Variants in NNT observed in about 807,000 individuals in gnomAD.
NNT encodes the protein NAD(P) transhydrogenase, mitochondrial.
A neutral mutation model predicts 104.8 loss-of-function variants in NNT; 50 were observed. The ratio of observed to expected loss-of-function variants is 0.48; its 90% confidence interval spans 0.38 to 0.60. The LOEUF is 0.60. Among genes scored for constraint, NNT ranks in the 20% least tolerant of loss-of-function variants. The pLI is 0.00. For missense variants in NNT, 1,131 were observed against 1,330.7 expected (o/e 0.85, Z 2.33); for synonymous variants, 461 against 490.4 (o/e 0.94, Z 0.79).
chr5:43,655,609 T>A (rs1561295043), intron 14 of NNT, among the ~76,000 whole-genome samples: 2 of 152,138 alleles, frequency 1.3e-5, no homozygotes, highest in Non-Finnish European at 2.9e-5. Flanking sequence ...TTAAAAAAAA[T>A]TAAAATCTGA....
In NNT at chr5:43,609,360, T is replaced by G. The variant is rs1385124023; in HGVS notation, c.151+14T>G. 1 of 1,612,230 alleles carries G rather than the reference T, an allele frequency of 6.2e-7. No homozygotes were observed. Among genetic ancestry groups the G allele is most frequent in the Admixed American group, 1.7e-5 (1 of 59,798 alleles). On this transcript the variant is annotated intron_variant, in intron 2 of 21. Coordinates refer to ENST00000344920, the MANE Select transcript of NNT (RefSeq NM_182977.3). ...CTGTAAAACCAGGTAAAGTCTCACT[T>G]CAGTGATTGTAAATGAAACCTTCAA...
At chr5:43,628,430 C>A in intron 7 of NNT, 43 bp downstream of exon 7, 10 of 1,394,572 alleles carry the variant, frequency 7.2e-6, no homozygotes, top group East Asian at 2.5e-5. Context: ...CACTTTTACT[C>A]TTTTTTTTTA....
At chr5:43,662,890 T>C (rs1740446022) in intron 17 of NNT, among the ~76,000 whole-genome samples, 2 of 142,592 alleles carry the variant, frequency 1.4e-5, no homozygotes, top group African/African-American at 5.3e-5. Flanking sequence ...TGAGACCCTG[T>C]CTCAAAAAAA....
chr5:43,701,628 T>C (rs1373916894), intron 20 of NNT, among the ~76,000 whole-genome samples: 2 of 152,200 alleles, frequency 1.3e-5, no homozygotes, highest in African/African-American at 4.8e-5. Flanking sequence ...AAGTAGGAGT[T>C]CTAAGTTCTT....
intron 17 of NNT, among the ~76,000 whole-genome samples, chr5:43,668,986 G>A (rs1740880108): frequency 6.6e-6 from 1 of 152,090 alleles, no homozygotes; most frequent in Non-Finnish European, 1.5e-5. Flanking sequence ...TCCTTGAAGA[G>A]GTCCTTCACA....
chr5:43,647,483 A>T (rs78421890), intron 10 of NNT, among the ~76,000 whole-genome samples: 1 of 152,310 alleles, frequency 6.6e-6, no homozygotes, highest in Non-Finnish European at 1.5e-5. Flanking sequence ...GGATGAACTT[A>T]TATGTGTTTT....
chr5:43,702,504 C>G (rs111304614), intron 20 of NNT, 117 bp from the exon 21 acceptor site: 1 of 642,088 alleles, frequency 1.6e-6, no homozygotes, highest in East Asian at 3.0e-5. Context: ...GGCACAAGTG[C>G]GAATCCTATA....
Position 43,616,007 on chromosome 5 carries a change from C to A in NNT, c.541C>A (p.Pro181Thr). 6.2e-7 allele frequency: 1 copy of A among 1,614,108 alleles called. No homozygotes were observed. Among genetic ancestry groups the A allele is most frequent in the South Asian group, 1.1e-5 (1 of 91,076 alleles). Residue 181 changes from proline (P) to threonine (T), a missense_variant, in exon 4 of 22, where the codon CCA (proline) becomes ACA (threonine). By Grantham distance (38) the Pro-to-Thr change is conservative. Coordinates refer to ENST00000344920, the MANE Select transcript of NNT (RefSeq NM_182977.3). ...KTTVLAMDQVPRVTIAQGYDA... is the reference protein window; with the variant it reads ...KTTVLAMDQVTRVTIAQGYDA... ...TACAGTTCTGGCAATGGACCAGGTT[C>A]CAAGAGTCACAATTGCTCAGGGATA...
intron 17 of NNT, among the ~76,000 whole-genome samples, chr5:43,668,633 G>T (rs911679310): frequency 1.8e-4 from 27 of 152,074 alleles, no homozygotes; most frequent in African/African-American, 6.5e-4. Context: ...TGTTCCATTG[G>T]TCTATATCTC....
intron 17 of NNT, among the ~76,000 whole-genome samples, chr5:43,671,588 C>A (rs1741093925): frequency 6.6e-6 from 1 of 152,190 alleles, no homozygotes. Context: ...AAATTCTTTT[C>A]TTTAAGAATG....
At chr5:43,606,602 A>G (rs908118949) in intron 1 of NNT, among the ~76,000 whole-genome samples, 10 of 152,202 alleles carry the variant, frequency 6.6e-5, no homozygotes, top group Non-Finnish European at 1.5e-4. Flanking sequence ...TGCATGCCAA[A>G]ACACATCTTG....
chr5:43,657,177 A>G (rs1018971764), intron 16 of NNT, among the ~76,000 whole-genome samples: 10 of 152,222 alleles, frequency 6.6e-5, no homozygotes, highest in African/African-American at 2.4e-4. Context: ...GGGTTTATAC[A>G]ATACAAGTAA....
intron 17 of NNT, among the ~76,000 whole-genome samples, chr5:43,659,926 T>C (rs1194216686): frequency 6.6e-6 from 1 of 152,232 alleles, no homozygotes; most frequent in African/African-American, 2.4e-5. Flanking sequence ...TATTTCCTTA[T>C]GTATGGCATA....
intron 7 of NNT, among the ~76,000 whole-genome samples, chr5:43,634,770 A>G (rs759789394): frequency 6.6e-6 from 1 of 152,206 alleles, no homozygotes; most frequent in Non-Finnish European, 1.5e-5. Flanking sequence ...CTTGTCCTCA[A>G]GTGGAAGATG....
chr5:43,667,711 A>G (rs1427030904), intron 17 of NNT, among the ~76,000 whole-genome samples: 2 of 152,342 alleles, frequency 1.3e-5, no homozygotes, highest in East Asian at 3.9e-4. Context: ...TATTGTGAAT[A>G]GTGCCGCAAT....
Position 43,700,136 on chromosome 5 carries a change from T to C in NNT, c.2894T>C (p.Val965Ala), listed in dbSNP as rs774345598. The C allele has an allele frequency of 1.2e-6, 2 of 1,612,488 alleles. No individual in the cohort carries two copies. Among genetic ancestry groups the C allele is most frequent in the East Asian group, 2.2e-5 (1 of 44,736 alleles). The change falls in exon 20 of 22, where the codon GTT (valine) becomes GCT (alanine). Residue 965 changes from valine to alanine, a missense_variant. Physicochemically the swap from Val to Ala is moderately conservative, Grantham distance 64. Transcript: ENST00000344920. ...ATGTCTAGGTTTGGAATTCACCCAG[T>C]TGCAGGCCGAATGCCTGGTCAGCTT... Reference protein sequence around the residue: ...GKKVRFGIHPVAGRMPGQLNV... With the variant: ...GKKVRFGIHPAAGRMPGQLNV...
intron 21 of NNT, 57 bp downstream of exon 21, chr5:43,702,793 C>A: frequency 1.6e-6 from 2 of 1,219,810 alleles, no homozygotes; most frequent in Admixed American, 2.0e-5. Flanking sequence ...CAAATATACA[C>A]ACAGAACTTT....
intron 17 of NNT, chr5:43,667,025 G>T: frequency 6.3e-7 from 1 of 1,596,750 alleles, no homozygotes; most frequent in East Asian, 2.2e-5. Context: ...TTGATAGCCT[G>T]GGCACGTGCA....
At position 43,651,984 on chromosome 5, in the gene NNT, C is replaced by T. The variant is rs1739793602; in HGVS notation, c.1863+100C>T. On this transcript the variant is annotated intron_variant, in intron 13 of 21. Transcript: ENST00000344920. ...CCTAATTCAAAGTATCGAGCAAATA[C>T]AACTCTGTCAAGCAAATACAACAAT... 3 of 1,254,482 alleles carry T rather than the reference C, an allele frequency of 2.4e-6. No individual in the cohort carries two copies. In the African/African-American group the frequency reaches 4.5e-5, roughly 19 times the overall value. 77.7% of individuals were successfully genotyped at this position (1,254,482 alleles called of 1,614,324 possible).
Sources: gnomAD v4.1 joint callset for allele counts (sites outside exome capture counted in the v4.1 genomes callset) on GRCh38, gnomAD v4.1.1 for gene constraint, MANE v1.5 for transcripts, NCBI Gene and HGNC (gene_info 2026-07-23, HGNC 2026-07-21) for gene names.